The following ELMO1 variants were observed in gnomAD, a reference collection of about 807,000 sequenced individuals.
ELMO1 encodes the protein engulfment and cell motility 1.
In ELMO1, 26 loss-of-function variants were observed where a neutral mutation model predicts 98.9. The ratio of observed to expected loss-of-function variants is 0.26; its 90% CI spans 0.19 to 0.36. The LOEUF is 0.36. ELMO1 is among the 10% of genes least tolerant of loss of function. The pLI is 1.00. For missense variants in ELMO1, 627 were observed against 935.2 expected (o/e 0.67, Z 4.30); for synonymous variants, 346 against 346.0 (o/e 1.00, Z 0.00).
At chr7:37,272,185 G>C (rs143127742) in intron 4 of ELMO1, among the ~76,000 whole-genome samples, 2 of 152,132 alleles carry the variant, frequency 1.3e-5, no homozygotes, top group Non-Finnish European at 2.9e-5. Context: ...TGACTCCTAC[G>C]ATTGCACTCC....
In ELMO1 at chr7:37,115,187, T is replaced by C. The variant is rs185139616; in HGVS notation, c.1191+17943A>G. ...ATAACATATTTAAACAAGAAAATGA[T>C]ACCAATTCTCTACAATCTGTTCCAG... On this transcript the variant is annotated intron_variant, in intron 14 of 21. Coordinates refer to ENST00000310758, the MANE Select transcript of ELMO1 (RefSeq NM_014800.11). 2.8e-3 allele frequency among the ~76,000 whole-genome samples: 432 copies of C among 152,298 alleles called. 5 individuals are homozygous for C. Among genetic ancestry groups the C allele is most frequent in the Non-Finnish European group, 3.9e-3 (268 of 68,016 alleles).
intron 1 of ELMO1, among the ~76,000 whole-genome samples, chr7:37,430,648 C>T (rs1804893715): frequency 6.6e-6 from 1 of 152,238 alleles, no homozygotes; most frequent in Non-Finnish European, 1.5e-5. Flanking sequence ...TTTCAACCCG[C>T]GATGGCCTCT....
chr7:37,370,073 A>C (rs1428344503), intron 1 of ELMO1, among the ~76,000 whole-genome samples: 4 of 152,216 alleles, frequency 2.6e-5, no homozygotes, highest in Non-Finnish European at 5.9e-5. Context: ...AGAGACTAGA[A>C]GTCTCTATGC....
intron 16 of ELMO1, among the ~76,000 whole-genome samples, chr7:36,930,831 G>A (rs73115381): frequency 0.077 from 11,735 of 152,276 alleles, 524 homozygotes; most frequent in Middle Eastern, 0.15. Context: ...TTTCTAGGGT[G>A]AGAAAGACAT....
chr7:37,063,751 A>G (rs1242699483), intron 15 of ELMO1, among the ~76,000 whole-genome samples: 2 of 152,092 alleles, frequency 1.3e-5, no homozygotes, highest in Non-Finnish European at 2.9e-5. Flanking sequence ...AGCTGAGAGT[A>G]TTGAGAAAAC....
chr7:37,004,798 A>G (rs573802555), intron 16 of ELMO1, among the ~76,000 whole-genome samples: 1 of 152,314 alleles, frequency 6.6e-6, no homozygotes, highest in South Asian at 2.1e-4. Flanking sequence ...AGGTTTTTAA[A>G]TAGTTTAACC....
chr7:37,151,537 A>C (rs1788359692), intron 13 of ELMO1, among the ~76,000 whole-genome samples: 1 of 152,132 alleles, frequency 6.6e-6, no homozygotes, highest in Non-Finnish European at 1.5e-5. Flanking sequence ...TGAACCACTT[A>C]AGTGACACTA....
At chr7:37,226,818 A>G (rs891630359) in intron 8 of ELMO1, among the ~76,000 whole-genome samples, 3 of 152,124 alleles carry the variant, frequency 2.0e-5, no homozygotes, top group East Asian at 1.9e-4. Context: ...TCATTAAGTG[A>G]TCCATTTCAG....
At chr7:37,436,719 C>T (rs1805157890) in intron 1 of ELMO1, among the ~76,000 whole-genome samples, 1 of 152,126 alleles carries the variant, frequency 6.6e-6, no homozygotes, top group South Asian at 2.1e-4. Flanking sequence ...CCCAAACAAA[C>T]CGGCCACATC....
chr7:37,423,774 C>G (rs144680059), intron 1 of ELMO1, among the ~76,000 whole-genome samples: 3 of 152,262 alleles, frequency 2.0e-5, no homozygotes, highest in African/African-American at 7.2e-5. Context: ...CTTGGGAAAA[C>G]TTAGGTTTCC....
chr7:37,438,599 CA>C (rs35711008), intron 1 of ELMO1, among the ~76,000 whole-genome samples: 132,876 of 147,710 alleles, frequency 0.9, 59,811 homozygotes, highest in East Asian at 0.97. Context: ...GACTCTGTCT[CA>C]AAAAAAAAAA....
chr7:37,415,754 A>G (rs1419716130), intron 1 of ELMO1, among the ~76,000 whole-genome samples: 1 of 152,240 alleles, frequency 6.6e-6, no homozygotes, highest in Non-Finnish European at 1.5e-5. Flanking sequence ...AGAAACGTGA[A>G]TTAAAGTAAT....
rs145016030 is a variant in ELMO1, at chr7:37,380,541, T to C, written c.-73-37778A>G. On this transcript the variant is annotated intron_variant, in intron 1 of 21. Transcript: ENST00000310758. ...GGCATAATGACTGATAATGTCTCAATGTTACTTTCCGAAGCTGATAGTCAG... is the reference window on the plus strand; with the variant it reads ...GGCATAATGACTGATAATGTCTCAACGTTACTTTCCGAAGCTGATAGTCAG... Among the ~76,000 whole-genome samples, 3 of 152,352 alleles carry C rather than the reference T, an allele frequency of 2.0e-5. No homozygotes were observed. In the East Asian group the frequency reaches 5.8e-4, roughly 29 times the overall value.
chr7:36,921,673 T>C (rs769276854), intron 16 of ELMO1, among the ~76,000 whole-genome samples: 1 of 152,234 alleles, frequency 6.6e-6, no homozygotes, highest in Non-Finnish European at 1.5e-5. Context: ...ATGCATTCTC[T>C]AGAACTCCTC....
At chr7:37,248,824 C>T (rs1042717475) in intron 6 of ELMO1, among the ~76,000 whole-genome samples, 5 of 152,250 alleles carry the variant, frequency 3.3e-5, no homozygotes, top group African/African-American at 1.2e-4. Context: ...TTCTAAGAGA[C>T]ACCAAGTTCT....
intron 17 of ELMO1, among the ~76,000 whole-genome samples, 176 bp from the exon 18 acceptor site, chr7:36,887,848 G>A (rs1211926121): frequency 6.6e-6 from 1 of 152,194 alleles, no homozygotes; most frequent in Non-Finnish European, 1.5e-5. Flanking sequence ...AGGGGCATAA[G>A]TACAACACCA....
chr7:37,414,854 A>G (rs1438979957), intron 1 of ELMO1, among the ~76,000 whole-genome samples: 1 of 152,258 alleles, frequency 6.6e-6, no homozygotes, highest in African/African-American at 2.4e-5. Flanking sequence ...AGAGCAAATA[A>G]AGAAGTAAAC....
At chr7:36,978,974 T>C (rs1392346043) in intron 16 of ELMO1, among the ~76,000 whole-genome samples, 2 of 152,208 alleles carry the variant, frequency 1.3e-5, no homozygotes, top group Non-Finnish European at 2.9e-5. Context: ...GTCAATAAGA[T>C]CTATATTTTT....
intron 1 of ELMO1, among the ~76,000 whole-genome samples, chr7:37,416,725 T>G (rs1034314696): frequency 1.3e-5 from 2 of 152,224 alleles, no homozygotes; most frequent in African/African-American, 2.4e-5. Context: ...ACGAAGAAAG[T>G]ATCTCTAGTT....
Sources: gnomAD v4.1 joint callset for allele counts (sites outside exome capture counted in the v4.1 genomes callset) on GRCh38, gnomAD v4.1.1 for gene constraint, MANE v1.5 for transcripts, NCBI Gene and HGNC (gene_info 2026-07-23, HGNC 2026-07-21) for gene names.